The following SLC8A3 variants were observed in gnomAD, a reference collection of about 807,000 sequenced individuals.
SLC8A3 encodes sodium/calcium exchanger 3.
SLC8A3 carries 37 observed loss-of-function variants against 65.4 expected under a neutral mutation model. The observed-to-expected ratio is 0.57, with a 90% CI of 0.44 to 0.74. The LOEUF (loss-of-function observed/expected upper bound fraction) is 0.74, where lower values mean the gene tolerates loss of function less well. SLC8A3 is among the 30% of genes least tolerant of loss of function. The pLI is 0.00. For synonymous variants in SLC8A3, 461 were observed against 444.5 expected (o/e 1.04, Z -0.47); for missense variants, 1,112 against 1,172.1 (o/e 0.95, Z 0.75).
intron 1 of SLC8A3, among the ~76,000 whole-genome samples, chr14:70,182,087 A>G (rs887068600): frequency 5.9e-5 from 9 of 152,260 alleles, no homozygotes; most frequent in South Asian, 2.1e-4. Flanking sequence ...GGCTTATAAA[A>G]TACATCAAGC....
At chr14:70,146,467 G>T (rs538982323) in intron 2 of SLC8A3, among the ~76,000 whole-genome samples, 1 of 152,220 alleles carries the variant, frequency 6.6e-6, no homozygotes, top group Non-Finnish European at 1.5e-5. Flanking sequence ...CTCTAACGAA[G>T]CCCAGCAAGG....
chr14:70,080,127 C>T lies in SLC8A3; in HGVS notation c.1785-19188G>A, dbSNP rs572842576. On this transcript the variant is annotated intron_variant, in intron 2 of 6. Coordinates refer to ENST00000356921, the MANE Select transcript of SLC8A3 (RefSeq NM_182932.3). The stretch of plus-strand genomic sequence containing the variant: ...CCCCTTCCTTTGACTTATCCACCCT[C>T]CTGGCTGCCAGTTATCGTCTGGATG... 4.1e-6 allele frequency: 4 copies of T among 985,554 alleles called. No homozygotes were observed. The African/African-American group carries it at 7.0e-5, about 17-fold the overall frequency. The allele number at this position is 985,554 out of a possible 1,614,324, so 61.1% of individuals were successfully genotyped here.
chr14:70,075,589 C>G (rs192297010), intron 2 of SLC8A3, among the ~76,000 whole-genome samples: 2 of 152,060 alleles, frequency 1.3e-5, no homozygotes, highest in South Asian at 4.2e-4. Flanking sequence ...TGCTTGGAAC[C>G]GTCTTCTCTG....
At chr14:70,076,458 A>G (rs117346173) in intron 2 of SLC8A3, among the ~76,000 whole-genome samples, 1 of 152,318 alleles carries the variant, frequency 6.6e-6, no homozygotes, top group East Asian at 1.9e-4. Context: ...TGAATGCATG[A>G]ATGATTAATG....
intron 2 of SLC8A3, among the ~76,000 whole-genome samples, chr14:70,143,526 C>T (rs1895707462): frequency 1.3e-5 from 2 of 152,118 alleles, no homozygotes; most frequent in African/African-American, 4.8e-5. Context: ...ATCAGAATCA[C>T]CTGGAGTGCT....
chr14:70,148,732 G>A (rs144900698), intron 2 of SLC8A3, among the ~76,000 whole-genome samples: 1 of 152,310 alleles, frequency 6.6e-6, no homozygotes, highest in Non-Finnish European at 1.5e-5. Context: ...CAATACATAC[G>A]ATTCAACCAG....
chr14:70,104,478 A>G (rs1178544915), intron 2 of SLC8A3, among the ~76,000 whole-genome samples: 2 of 152,158 alleles, frequency 1.3e-5, no homozygotes, highest in African/African-American at 4.8e-5. Flanking sequence ...ATTGTTGTAT[A>G]TTCTTGATGA....
chr14:70,170,658 C>A (rs1056586415), intron 1 of SLC8A3, among the ~76,000 whole-genome samples: 10 of 152,172 alleles, frequency 6.6e-5, no homozygotes, highest in African/African-American at 9.7e-5. Flanking sequence ...ATTTTAGAGG[C>A]TATGTGGGAC....
At chr14:70,161,418 A>G (rs945125317) in intron 2 of SLC8A3, among the ~76,000 whole-genome samples, 1 of 151,002 alleles carries the variant, frequency 6.6e-6, no homozygotes, top group African/African-American at 2.4e-5. Flanking sequence ...AAGTATCCCC[A>G]TTCAACAACT....
At chr14:70,187,260 GGAGAGA>G (rs969750487) in intron 1 of SLC8A3, 1 of 145,778 alleles carries the variant, frequency 6.9e-6, no homozygotes, top group Non-Finnish European at 1.5e-5. Flanking sequence ...CAGGAAAGGG[GGAGAGA>G]GAGAGAAAGA....
At chr14:70,052,354 C>T (rs1566734945) in intron 3 of SLC8A3, among the ~76,000 whole-genome samples, 1 of 152,152 alleles carries the variant, frequency 6.6e-6, no homozygotes, top group Non-Finnish European at 1.5e-5. Context: ...GGGTGGACAA[C>T]CTGACCTAAA....
At chr14:70,069,573 T>C (rs751689553) in intron 2 of SLC8A3, among the ~76,000 whole-genome samples, 14 of 152,068 alleles carry the variant, frequency 9.2e-5, no homozygotes, top group East Asian at 1.9e-4. Flanking sequence ...TGGGTTCTTC[T>C]TGTAGTTTCC....
Position 70,045,683 on chromosome 14 carries a change from A to T in SLC8A3, c.*264T>A, listed in dbSNP as rs1237827244. ...TTTGGGTCAGGGATATGAGGGGGAG[A>T]TGGGGTGGAGGTGGATTTGTTGCTG... is the stretch of plus-strand genomic sequence containing the variant. On this transcript the variant is annotated 3_prime_UTR_variant, in exon 7 of 7. Transcript: ENST00000356921. 1 of 351,592 alleles carries T rather than the reference A, an allele frequency of 2.8e-6. No individual in the cohort carries two copies. The highest frequency in any genetic ancestry group is 5.2e-6 in the Non-Finnish European group (1 of 191,896). 21.8% of individuals were successfully genotyped at this position (351,592 alleles called of 1,614,324 possible).
intron 3 of SLC8A3, among the ~76,000 whole-genome samples, chr14:70,058,780 C>G (rs189980594): frequency 7.5e-4 from 115 of 152,318 alleles, no homozygotes; most frequent in African/African-American, 2.7e-3. Flanking sequence ...CAATCTCTTC[C>G]TCTTGTCTGG....
chr14:70,169,574 T>C (rs1258917728), intron 1 of SLC8A3, among the ~76,000 whole-genome samples: 1 of 150,626 alleles, frequency 6.6e-6, no homozygotes, highest in African/African-American at 2.4e-5. Context: ...GAGCTTGAGC[T>C]CAGAAGAATG....
intron 1 of SLC8A3, among the ~76,000 whole-genome samples, chr14:70,173,628 G>A (rs1223277655): frequency 6.6e-6 from 1 of 152,146 alleles, no homozygotes; most frequent in Non-Finnish European, 1.5e-5. Flanking sequence ...CACCAGCCTG[G>A]GTAGAGTTGT....
chr14:70,138,087 G>A lies in SLC8A3; in HGVS notation c.1784+28552C>T, dbSNP rs150599481. ...TCAGGAGAAAGGAGGTAGCAGAGACGGGAGTGTCCCTGCTCACACTGACAG... is the reference window on the plus strand; with the variant it reads ...TCAGGAGAAAGGAGGTAGCAGAGACAGGAGTGTCCCTGCTCACACTGACAG... On this transcript the variant is annotated intron_variant, in intron 2 of 6. Coordinates refer to ENST00000356921, the MANE Select transcript of SLC8A3 (RefSeq NM_182932.3). Among the ~76,000 whole-genome samples, 30 of 152,294 alleles carry A rather than the reference G, an allele frequency of 2.0e-4. No individual in the cohort carries two copies. In the East Asian group the frequency reaches 4.6e-3, roughly 24 times the overall value.
chr14:70,073,494 G>A (rs1462201766), intron 2 of SLC8A3, among the ~76,000 whole-genome samples: 1 of 152,068 alleles, frequency 6.6e-6, no homozygotes, highest in Non-Finnish European at 1.5e-5. Flanking sequence ...ATATATATAT[G>A]CATGCCAGTA....
At chr14:70,166,130 T>G (rs1594791888) in intron 2 of SLC8A3, among the ~76,000 whole-genome samples, 1 of 152,232 alleles carries the variant, frequency 6.6e-6, no homozygotes, top group African/African-American at 2.4e-5. Context: ...GGTTACACAG[T>G]GAGACTGGCA....
Sources: allele counts gnomAD v4.1 joint callset (sites outside exome capture counted in the v4.1 genomes callset), GRCh38; gene constraint gnomAD v4.1.1; transcripts MANE v1.5; gene names NCBI Gene and HGNC (gene_info 2026-07-23, HGNC 2026-07-21).